Variants in VWA8 observed in about 807,000 individuals in gnomAD.
VWA8 encodes von Willebrand factor A domain containing 8, also known as von Willebrand factor A domain-containing protein 8.
VWA8 carries 221 observed loss-of-function variants against 241.5 expected under a neutral mutation model. The observed-to-expected ratio is 0.91, with a 90% CI of 0.82 to 1.02. The LOEUF is 1.02. VWA8 is among the 50% of genes least tolerant of loss of function. VWA8 has a pLI of 0.00. For synonymous variants in VWA8, 852 were observed against 827.1 expected, an observed-to-expected ratio of 1.03 and a Z score of -0.52; for missense variants, 2,322 against 2,328.7, an observed-to-expected ratio of 1.00 and a Z score of 0.06.
chr13:41,922,373 G>A (rs938165413), intron 2 of VWA8, among the ~76,000 whole-genome samples: 1 of 152,194 alleles, frequency 6.6e-6, no homozygotes, highest in Non-Finnish European at 1.5e-5. Flanking sequence ...CATAGGCATG[G>A]GCAAGGACTT....
intron 34 of VWA8, among the ~76,000 whole-genome samples, chr13:41,687,181 G>A (rs1378803150): frequency 6.6e-6 from 1 of 151,972 alleles, no homozygotes; most frequent in African/African-American, 2.4e-5. Flanking sequence ...TTTTAACAGA[G>A]CTCAAATTTT....
intron 3 of VWA8, among the ~76,000 whole-genome samples, chr13:41,909,119 C>A (rs1048777048): frequency 3.3e-5 from 5 of 150,068 alleles, no homozygotes; most frequent in African/African-American, 1.2e-4. Context: ...GTGGTGCGAT[C>A]TCAGCTCACT....
At chr13:41,590,830 G>A (rs2139647466) in intron 40 of VWA8, 65 bp from the exon 41 acceptor site, 1 of 1,578,846 alleles carries the variant, frequency 6.3e-7, no homozygotes, top group South Asian at 1.1e-5. Context: ...GACATACTTT[G>A]TGCATGAATA....
chr13:41,772,812 A>G (rs1003128623), intron 20 of VWA8, among the ~76,000 whole-genome samples: 2 of 152,238 alleles, frequency 1.3e-5, no homozygotes, highest in Non-Finnish European at 2.9e-5. Flanking sequence ...AATCTTTTCT[A>G]GTATCATAGA....
chr13:41,583,642 C>CAAAAAAAAAAAAAAA (rs935505646), intron 42 of VWA8, among the ~76,000 whole-genome samples: 1 of 42,182 alleles, frequency 2.4e-5, no homozygotes, highest in Non-Finnish European at 4.7e-5. Context: ...GACTCCATCT[C>CAAAAAAAAAAAAAAA]AAAAAAAAAA....
intron 25 of VWA8, 61 bp downstream of exon 25, chr13:41,721,309 C>G: frequency 1.9e-6 from 3 of 1,551,518 alleles, no homozygotes; most frequent in East Asian, 4.5e-5. Context: ...ACAAACTGTA[C>G]AGTCTGAAAA....
At chr13:41,814,012 A>C (rs1475260142) in intron 16 of VWA8, among the ~76,000 whole-genome samples, 3 of 152,198 alleles carry the variant, frequency 2.0e-5, no homozygotes, top group Admixed American at 2.0e-4. Context: ...AAAAACATAA[A>C]GGTTCTCATC....
intron 29 of VWA8, 40 bp from the exon 30 acceptor site, chr13:41,693,012 C>CTTT (rs71706492): frequency 0.024 from 25,942 of 1,079,724 alleles, 176 homozygotes; most frequent in East Asian, 0.052. Context: ...AAGATTTGTT[C>CTTT]TTTTTTTTTT....
intron 39 of VWA8, among the ~76,000 whole-genome samples, chr13:41,606,742 A>T (rs1422812130): frequency 6.6e-6 from 1 of 152,184 alleles, no homozygotes; most frequent in Non-Finnish European, 1.5e-5. Context: ...CCAGAGGCTT[A>T]TTACAATTAT....
intron 17 of VWA8, among the ~76,000 whole-genome samples, chr13:41,790,998 T>C (rs1869433410): frequency 6.6e-6 from 1 of 151,952 alleles, no homozygotes; most frequent in South Asian, 2.1e-4. Context: ...GGTTAGATAA[T>C]TTATCTTGAT....
chr13:41,575,163 C>T (rs562080945), intron 43 of VWA8, among the ~76,000 whole-genome samples: 9 of 152,122 alleles, frequency 5.9e-5, no homozygotes, highest in African/African-American at 9.6e-5. Context: ...ACTCAGGAAT[C>T]GAAAACCAAA....
intron 4 of VWA8, among the ~76,000 whole-genome samples, chr13:41,904,730 A>C (rs532253730): frequency 6.6e-6 from 1 of 152,270 alleles, no homozygotes; most frequent in East Asian, 1.9e-4. Flanking sequence ...ATGTATTAAA[A>C]TTTTAGGGAT....
chr13:41,738,740 A>T (rs4408442), intron 21 of VWA8, among the ~76,000 whole-genome samples: 2 of 151,666 alleles, frequency 1.3e-5, no homozygotes, highest in African/African-American at 4.8e-5. Flanking sequence ...TTTTTCCTGA[A>T]TAAAAAGAAA....
rs1212169550 is a variant in VWA8 at position 41,791,308 on chromosome 13, A to G, written c.2064-3765T>C. On this transcript the variant is annotated intron_variant, in intron 17 of 44. Coordinates refer to ENST00000379310, the MANE Select transcript of VWA8 (RefSeq NM_015058.2). ...TAGTTGAAAGGGTCATGGAGTGATT[A>G]CAAAATAAGAATTTTTTGTGGTCAG... Among the ~76,000 whole-genome samples the G allele has an allele frequency of 2.0e-5, 3 of 151,918 alleles. No homozygotes were observed. In the South Asian group the frequency reaches 6.2e-4, roughly 31 times the overall value.
At chr13:41,944,814 C>T (rs1341377492) in intron 2 of VWA8, among the ~76,000 whole-genome samples, 1 of 147,734 alleles carries the variant, frequency 6.8e-6, no homozygotes, top group Non-Finnish European at 1.5e-5. Context: ...AGCACTAACT[C>T]GGGGCATTTG....
chr13:41,585,424 T>C (rs1029977155), intron 42 of VWA8, among the ~76,000 whole-genome samples: 1 of 147,130 alleles, frequency 6.8e-6, no homozygotes, highest in Non-Finnish European at 1.5e-5. Context: ...ATTTTCTTTC[T>C]AAAAACTTGG....
At chr13:41,907,723 C>A in intron 3 of VWA8, 27 bp from the exon 4 acceptor site, 1 of 1,589,422 alleles carries the variant, frequency 6.3e-7, no homozygotes, top group Non-Finnish European at 8.6e-7. Context: ...GAAATTATTC[C>A]AAAAATAAAA....
chr13:41,813,423 G>A (rs1169692354), intron 16 of VWA8, among the ~76,000 whole-genome samples: 1 of 152,150 alleles, frequency 6.6e-6, no homozygotes, highest in African/African-American at 2.4e-5. Flanking sequence ...CAATGTGACT[G>A]ATATCAAAAG....
intron 12 of VWA8, among the ~76,000 whole-genome samples, chr13:41,852,389 A>C (rs1230657348): frequency 6.6e-6 from 1 of 151,602 alleles, no homozygotes; most frequent in Non-Finnish European, 1.5e-5. Flanking sequence ...TTGTAGACTG[A>C]CTCTTCTCTG....
Sources: allele counts gnomAD v4.1 joint callset (sites outside exome capture counted in the v4.1 genomes callset), GRCh38; gene constraint gnomAD v4.1.1; transcripts MANE v1.5; gene names NCBI Gene and HGNC (gene_info 2026-07-23, HGNC 2026-07-21).